TIAM1: variants seen among roughly 807,000 people sequenced by gnomAD.
TIAM1 encodes the protein TIAM Rac1 associated GEF 1.
TIAM1 carries 65 observed loss-of-function variants against 163.5 expected under a neutral mutation model. The observed-to-expected ratio is 0.40, with a 90% CI of 0.33 to 0.49. TIAM1 has a LOEUF of 0.49. Ranked by LOEUF, TIAM1 falls within the 20% of genes least tolerant of loss-of-function variation. The pLI, the probability that TIAM1 is intolerant of heterozygous loss-of-function variation, is 0.77. For synonymous variants in TIAM1, 833 were observed against 810.1 expected, an observed-to-expected ratio of 1.03 and a Z score of -0.48; for missense variants, 1,789 against 2,044.7, an observed-to-expected ratio of 0.87 and a Z score of 2.41.
intron 2 of TIAM1, among the ~76,000 whole-genome samples, chr21:31,301,904 T>C (rs2074519743): frequency 6.7e-6 from 1 of 148,988 alleles, no homozygotes; most frequent in South Asian, 2.1e-4. Context: ...AAAATGTGTG[T>C]GTATATATAC....
At chr21:31,506,626 C>T (rs2047037895) in intron 1 of TIAM1, among the ~76,000 whole-genome samples, 1 of 152,144 alleles carries the variant, frequency 6.6e-6, no homozygotes, top group Admixed American at 6.5e-5. Flanking sequence ...TCAGAATTTC[C>T]TTCCTTTTTG....
chr21:31,552,908 C>G (rs2048742199), intron 1 of TIAM1, among the ~76,000 whole-genome samples: 1 of 152,216 alleles, frequency 6.6e-6, no homozygotes, highest in African/African-American at 2.4e-5. Context: ...ACCTTAATAA[C>G]TCTGGAATCC....
intron 6 of TIAM1, among the ~76,000 whole-genome samples, chr21:31,233,758 T>C (rs1466713939): frequency 6.6e-6 from 1 of 152,166 alleles, no homozygotes; most frequent in Admixed American, 6.5e-5. Context: ...AAAATGGTGA[T>C]ATAATGGATC....
chr21:31,379,214 T>G (rs1284322553), intron 2 of TIAM1, among the ~76,000 whole-genome samples: 4 of 152,174 alleles, frequency 2.6e-5, no homozygotes, highest in Non-Finnish European at 5.9e-5. Flanking sequence ...TCAGGTGATC[T>G]GCCCACCTCA....
chr21:31,282,161 C>T (rs2073597345), intron 2 of TIAM1, among the ~76,000 whole-genome samples: 1 of 152,070 alleles, frequency 6.6e-6, no homozygotes, highest in Non-Finnish European at 1.5e-5. Context: ...ATGTCCAAAT[C>T]GATGGCTCAA....
intron 1 of TIAM1, 98 bp from the exon 2 acceptor site, chr21:31,339,520 A>G (rs940474944): frequency 1.3e-5 from 5 of 397,362 alleles, no homozygotes; most frequent in Non-Finnish European, 2.2e-5. Flanking sequence ...ACGTGATAAC[A>G]CAGGAAAAGT....
At chr21:31,143,232 G>C (rs932063432) in intron 20 of TIAM1, among the ~76,000 whole-genome samples, 1 of 152,218 alleles carries the variant, frequency 6.6e-6, no homozygotes, top group Admixed American at 6.5e-5. Flanking sequence ...ATTGGAAAAA[G>C]CACATTCTTC....
At position 31,468,370 on chromosome 21, in the gene TIAM1, C is replaced by T. The variant is rs574893396; in HGVS notation, c.-421-4335G>A. On this transcript the variant is annotated intron_variant, in intron 1 of 28. Coordinates refer to the TIAM1 transcript ENST00000286827. ...TGGTGGTGCATGCCTGTAATCCCAG[C>T]TACTTGGGAGGCTGAGGCAGGAGAA... 4.2e-4 allele frequency among the ~76,000 whole-genome samples: 64 copies of T among 152,036 alleles called. 1 individual carries two copies. The East Asian group carries it at 0.012, about 28-fold the overall frequency.
chr21:31,232,192 T>C (rs574534476), intron 6 of TIAM1, among the ~76,000 whole-genome samples: 33 of 152,066 alleles, frequency 2.2e-4, no homozygotes, highest in Non-Finnish European at 4.0e-4. Flanking sequence ...CCCCAAAACC[T>C]AGAGAAGCAT....
intron 2 of TIAM1, among the ~76,000 whole-genome samples, chr21:31,301,401 C>T (rs1248159711): frequency 6.6e-6 from 1 of 152,186 alleles, no homozygotes; most frequent in African/African-American, 2.4e-5. Flanking sequence ...GGTATTAAAA[C>T]AAGACACCAT....
In TIAM1 at chr21:31,135,982, C is replaced by T. The variant is rs184598278; in HGVS notation, c.3834G>A (p.Pro1278=). 7.4e-6 allele frequency: 12 copies of T among 1,614,174 alleles called. No individual in the cohort carries two copies. In the Admixed American group the frequency reaches 8.3e-5, roughly 11 times the overall value. ...LLHTTVIWLN[P]PASLGKWKKE... is the part of the protein sequence containing the mutation. The stretch of plus-strand genomic sequence containing the variant: ...TTTTCCACTTGCCCAGCGAGGCCGG[C>T]GGGTTCAGCCAGATCACGGTAGTGT... Residue 1278 remains proline, a synonymous_variant, in exon 23 of 28, where the codon CCG becomes CCA. Transcript: ENST00000541036.
intron 2 of TIAM1, among the ~76,000 whole-genome samples, chr21:31,313,001 A>G (rs961552596): frequency 6.6e-6 from 1 of 152,216 alleles, no homozygotes; most frequent in Non-Finnish European, 1.5e-5. Flanking sequence ...CACATCACAC[A>G]CAACCCTTAA....
intron 2 of TIAM1, among the ~76,000 whole-genome samples, chr21:31,306,215 T>G (rs1006937951): frequency 6.6e-6 from 1 of 152,118 alleles, no homozygotes; most frequent in African/African-American, 2.4e-5. Flanking sequence ...GCCCAGGAGT[T>G]TGAGGCTGTG....
At chr21:31,539,799 T>G (rs2048262194) in intron 1 of TIAM1, among the ~76,000 whole-genome samples, 1 of 152,174 alleles carries the variant, frequency 6.6e-6, no homozygotes, top group Non-Finnish European at 1.5e-5. Flanking sequence ...TTGTGTGGCC[T>G]GTCACGGATC....
In TIAM1 at chr21:31,198,641, T is replaced by C. The variant is rs1333381762; in HGVS notation, c.2494-3336A>G. ...CTTCAACTTATCAGGAGCCTTACTT[T>C]TATTTTTTAAAACTTTAAGAGCCAA... is the stretch of plus-strand genomic sequence containing the variant. On this transcript the variant is annotated intron_variant, in intron 12 of 27. Transcript: ENST00000541036. Among the ~76,000 whole-genome samples, 3 of 152,230 alleles carry C rather than the reference T, an allele frequency of 2.0e-5. No homozygotes were observed. In the East Asian group the frequency reaches 5.8e-4, roughly 29 times the overall value.
intron 7 of TIAM1, 140 bp from the exon 8 acceptor site, chr21:31,223,731 T>C: frequency 2.4e-6 from 2 of 823,522 alleles, no homozygotes; most frequent in Non-Finnish European, 3.4e-6. Flanking sequence ...CTAAGTTTCT[T>C]AGTTACTTAT....
chr21:31,227,000 AGGCT>A (rs1037948377), intron 6 of TIAM1, among the ~76,000 whole-genome samples: 5 of 128,132 alleles, frequency 3.9e-5, no homozygotes, highest in Admixed American at 3.0e-4. Flanking sequence ...TCTGTTGCCC[AGGCT>A]GGAGTGCAGT....
upstream of TIAM1, among the ~76,000 whole-genome samples, chr21:31,346,059 G>A (rs1316817294): frequency 6.6e-6 from 1 of 152,016 alleles, no homozygotes; most frequent in African/African-American, 2.4e-5. Context: ...AATATCTGGA[G>A]GCATTTTTGG....
chr21:31,171,960 T>C lies in TIAM1; in HGVS notation c.2888-6895A>G, dbSNP rs116253913. 4.2e-3 allele frequency among the ~76,000 whole-genome samples: 644 copies of C among 151,890 alleles called. 5 individuals are homozygous for C. Among genetic ancestry groups the C allele is most frequent in the African/African-American group, 0.015 (624 of 41,382 alleles). ...CCAGTCAGACCACTGGATCACAGAG[T>C]CACATGAGTGACTCCAGGGAAGGTT... On this transcript the variant is annotated intron_variant, in intron 15 of 27. Transcript: ENST00000541036.
Sources: gnomAD v4.1 joint callset for allele counts (sites outside exome capture counted in the v4.1 genomes callset) on GRCh38, gnomAD v4.1.1 for gene constraint, MANE v1.5 for transcripts, NCBI Gene and HGNC (gene_info 2026-07-23, HGNC 2026-07-21) for gene names.